The following WASL variants were observed in gnomAD, a reference collection of about 807,000 sequenced individuals.
WASL encodes the protein actin nucleation-promoting factor WASL.
Under a neutral mutation model 55.5 loss-of-function variants are expected in WASL, and 20 were observed. That is an observed-to-expected ratio of 0.36 (90% confidence interval 0.25 to 0.52). The LOEUF is 0.52. WASL is among the 20% of genes least tolerant of loss of function. The pLI, the probability that WASL is intolerant of heterozygous loss-of-function variation, is 0.92. For missense variants in WASL, 504 were observed against 622.5 expected, an observed-to-expected ratio of 0.81 and a Z score of 2.03; for synonymous variants, 249 against 217.6, an observed-to-expected ratio of 1.14 and a Z score of -1.27.
Position 123,706,830 on chromosome 7 carries a change from G to GA in WASL, c.253-5dup. 1.3e-6 allele frequency: 2 copies of GA among 1,524,298 alleles called. No homozygotes were observed. The highest frequency in any genetic ancestry group is 1.8e-6 in the Non-Finnish European group (2 of 1,136,984). The allele number at this position is 1,524,298 out of a possible 1,614,324, so 94.4% of individuals were successfully genotyped here. On this transcript the variant is annotated splice_polypyrimidine_tract_variant and splice_region_variant and intron_variant, in intron 2 of 10. Transcript: ENST00000223023. Reference sequence around the variant, plus strand: ...GTTCCCACAATAGTTTCCCATCCTAGAAAAAAGTTAAAAATTAAAATAAGA... The same window carrying GA: ...GTTCCCACAATAGTTTCCCATCCTAGAAAAAAAGTTAAAAATTAAAATAAGA...
At chr7:123,742,747 C>T (rs1259889452) in intron 1 of WASL, among the ~76,000 whole-genome samples, 1 of 152,136 alleles carries the variant, frequency 6.6e-6, no homozygotes, top group Non-Finnish European at 1.5e-5. Flanking sequence ...ATTCTGTTCA[C>T]TCTGCTGTTT....
rs191816520 is a variant in WASL, at chr7:123,690,159, T to G, written c.1348-1009A>C. ...GGCTCTCAAGGAGGTACAACAGCGG[T>G]AGGGACATTTAGACTACCTTTAAGC... On this transcript the variant is annotated intron_variant, in intron 9 of 10. Coordinates refer to ENST00000223023, the MANE Select transcript of WASL (RefSeq NM_003941.4). Among the ~76,000 whole-genome samples the G allele has an allele frequency of 2.3e-4, 35 of 152,276 alleles. No homozygotes were observed. The East Asian group carries it at 5.8e-3, about 25-fold the overall frequency.
intron 1 of WASL, among the ~76,000 whole-genome samples, chr7:123,725,140 T>C (rs1187434425): frequency 2.0e-5 from 3 of 152,214 alleles, no homozygotes; most frequent in Non-Finnish European, 4.4e-5. Flanking sequence ...CAGATGAGCA[T>C]AGAAGCACGA....
intron 1 of WASL, among the ~76,000 whole-genome samples, chr7:123,747,724 A>T (rs919452535): frequency 6.6e-6 from 1 of 152,138 alleles, no homozygotes; most frequent in Non-Finnish European, 1.5e-5. Context: ...TGATCCCGAC[A>T]AGGCCTACAC....
In WASL at chr7:123,695,859, A is replaced by T. The variant is rs778448757; in HGVS notation, c.636T>A (p.Ile212=). The change falls in exon 7 of 11, where the codon ATT becomes ATA. Residue 212 remains isoleucine (I), a synonymous_variant. Transcript: ENST00000223023. Reference sequence around the variant, plus strand: ...TATTTGGATCCCAACCAACATGTCCAATGTGCCTGAAGTAGAAAATAGAAA... The same window carrying T: ...TATTTGGATCCCAACCAACATGTCCTATGTGCCTGAAGTAGAAAATAGAAA... ...DIGTPSNFQH[I]GHVGWDPNTG... is the part of the protein sequence containing the mutation. 1 of 1,612,770 alleles carries T rather than the reference A, an allele frequency of 6.2e-7. No individual in the cohort carries two copies. Among genetic ancestry groups the T allele is most frequent in the Non-Finnish European group, 8.5e-7 (1 of 1,179,074 alleles).
intron 2 of WASL, 148 bp from the exon 3 acceptor site, chr7:123,706,974 T>C (rs1040043019): frequency 4.6e-6 from 2 of 439,504 alleles, no homozygotes; most frequent in Non-Finnish European, 8.0e-6. Context: ...ATATAAATAG[T>C]GTCACATAAT....
chr7:123,727,107 A>G (rs1804058275), intron 1 of WASL, among the ~76,000 whole-genome samples: 1 of 152,142 alleles, frequency 6.6e-6, no homozygotes, highest in Non-Finnish European at 1.5e-5. Flanking sequence ...CATCAAGGAA[A>G]TATAATGAAA....
At chr7:123,708,512 G>C (rs942428945) in intron 2 of WASL, among the ~76,000 whole-genome samples, 2 of 152,006 alleles carry the variant, frequency 1.3e-5, no homozygotes, top group Non-Finnish European at 2.9e-5. Context: ...TATGACAACT[G>C]TAAGAAATGA....
At chr7:123,746,143 GA>G (rs1032689966) in intron 1 of WASL, among the ~76,000 whole-genome samples, 9 of 152,154 alleles carry the variant, frequency 5.9e-5, no homozygotes, top group African/African-American at 2.2e-4. Flanking sequence ...TTTCTACTGT[GA>G]AAAGCAGCCT....
chr7:123,745,754 TA>T (rs987817843), intron 1 of WASL, among the ~76,000 whole-genome samples: 1 of 152,012 alleles, frequency 6.6e-6, no homozygotes, highest in African/African-American at 2.4e-5. Context: ...AATTCATACC[TA>T]AATCTGAGAG....
intron 1 of WASL, among the ~76,000 whole-genome samples, chr7:123,719,798 C>G (rs1422562909): frequency 2.0e-5 from 3 of 152,166 alleles, no homozygotes; most frequent in Admixed American, 6.5e-5. Flanking sequence ...ATCTGCCTTT[C>G]TGTAGTTACA....
chr7:123,705,054 T>C (rs1387087336), intron 4 of WASL, among the ~76,000 whole-genome samples: 1 of 152,180 alleles, frequency 6.6e-6, no homozygotes, highest in African/African-American at 2.4e-5. Flanking sequence ...AATCTACAAT[T>C]CTAAAAGTTT....
rs564412561 is a variant in WASL at position 123,692,965 on chromosome 7, T to C, written c.827-98A>G. Reference sequence around the variant, plus strand: ...TTTAACATGTATAAAAATTGAATAATACCAAAAAAGGGTCTCATCTTTGCA... The same window carrying C: ...TTTAACATGTATAAAAATTGAATAACACCAAAAAAGGGTCTCATCTTTGCA... On this transcript the variant is annotated intron_variant, in intron 8 of 10. Transcript: ENST00000223023. The C allele has an allele frequency of 1.1e-5, 14 of 1,293,534 alleles. No individual in the cohort carries two copies. In the African/African-American group the frequency reaches 2.0e-4, roughly 18 times the overall value. 80.1% of individuals were successfully genotyped at this position (1,293,534 alleles called of 1,614,324 possible).
At chr7:123,741,281 T>C (rs1431095551) in intron 1 of WASL, among the ~76,000 whole-genome samples, 2 of 152,186 alleles carry the variant, frequency 1.3e-5, no homozygotes, top group Admixed American at 6.5e-5. Flanking sequence ...ATTAGAAGTG[T>C]TTTTGTCTTT....
intron 10 of WASL, 151 bp from the exon 11 acceptor site, chr7:123,684,731 A>G (rs987646964): frequency 1.5e-6 from 1 of 668,752 alleles, no homozygotes; most frequent in Non-Finnish European, 2.1e-6. Flanking sequence ...AAGTGAATCT[A>G]AAGAAATATA....
At chr7:123,706,681 A>G in intron 3 of WASL, 59 bp downstream of exon 3, 2 of 1,222,686 alleles carry the variant, frequency 1.6e-6, no homozygotes, top group Non-Finnish European at 2.3e-6. Context: ...AATAATTTGG[A>G]TTAGAAAAGG....
chr7:123,715,167 T>C (rs763940369), intron 1 of WASL, among the ~76,000 whole-genome samples: 3 of 152,326 alleles, frequency 2.0e-5, no homozygotes, highest in South Asian at 2.1e-4. Flanking sequence ...CAAGTTCTTA[T>C]ATATTATCTT....
intron 1 of WASL, among the ~76,000 whole-genome samples, chr7:123,740,321 T>C (rs187174564): frequency 2.2e-4 from 33 of 152,272 alleles, no homozygotes; most frequent in African/African-American, 7.7e-4. Context: ...AAAAAAGGGT[T>C]ACAATTCCTC....
intron 1 of WASL, among the ~76,000 whole-genome samples, chr7:123,745,666 T>A (rs994849147): frequency 6.6e-6 from 1 of 152,114 alleles, no homozygotes; most frequent in Non-Finnish European, 1.5e-5. Context: ...AAGCTTCACC[T>A]CAGATCCAGT....
Sources: gnomAD v4.1 joint callset for allele counts (sites outside exome capture counted in the v4.1 genomes callset) on GRCh38, gnomAD v4.1.1 for gene constraint, MANE v1.5 for transcripts, NCBI Gene and HGNC (gene_info 2026-07-23, HGNC 2026-07-21) for gene names.